The following MDFIC2 variants were observed in gnomAD, a reference collection of about 807,000 sequenced individuals.
MDFIC2 encodes the protein MyoD family inhibitor domain containing 2, also known as myoD family inhibitor domain-containing protein 2.
chr3:70,247,047 AT>A (rs1043540732), intron 2 of MDFIC2, among the ~76,000 whole-genome samples: 16 of 151,188 alleles, frequency 1.1e-4, no homozygotes, highest in East Asian at 9.7e-4. Context: ...AAGGATAGTT[AT>A]TTTTTTTTCT....
chr3:70,282,618 T>C (rs983198868), intron 2 of MDFIC2, among the ~76,000 whole-genome samples: 2 of 152,170 alleles, frequency 1.3e-5, no homozygotes, highest in African/African-American at 4.8e-5. Flanking sequence ...AAATCCTTTC[T>C]TTCTAGATCT....
intron 3 of MDFIC2, among the ~76,000 whole-genome samples, chr3:70,200,685 A>G (rs1701228738): frequency 6.6e-6 from 1 of 152,188 alleles, no homozygotes; most frequent in Non-Finnish European, 1.5e-5. Context: ...ATTAGAATCT[A>G]CGTTGCAAGA....
At chr3:70,291,468 C>A (rs1702239141) in intron 2 of MDFIC2, among the ~76,000 whole-genome samples, 1 of 152,196 alleles carries the variant, frequency 6.6e-6, no homozygotes, top group Non-Finnish European at 1.5e-5. Flanking sequence ...AGAATCTTGT[C>A]TATAGCTCTG....
rs765216095 is a variant in MDFIC2 at position 70,196,470 on chromosome 3, A to G, written c.*456T>C. On this transcript the variant is annotated 3_prime_UTR_variant, in exon 4 of 4. Coordinates refer to ENST00000567252, the MANE Select transcript of MDFIC2 (RefSeq NM_001364677.1). Reference sequence around the variant, plus strand: ...AAATGATGTTATACAATACATTATTAATAATAACCAACAATGCATAATGTT... The same window carrying G: ...AAATGATGTTATACAATACATTATTGATAATAACCAACAATGCATAATGTT... Among the ~76,000 whole-genome samples, 2 of 152,234 alleles carry G rather than the reference A, an allele frequency of 1.3e-5. No individual in the cohort carries two copies. The highest frequency in any genetic ancestry group is 2.9e-5 in the Non-Finnish European group (2 of 68,042).
chr3:70,250,746 C>T (rs1482474957), intron 2 of MDFIC2, among the ~76,000 whole-genome samples: 1 of 152,066 alleles, frequency 6.6e-6, no homozygotes, highest in African/African-American at 2.4e-5. Context: ...AAGCATCTTG[C>T]AATTTGGGAC....
Position 70,195,044 on chromosome 3 carries a change from G to T in MDFIC2, c.*1882C>A, listed in dbSNP as rs984699503. Reference sequence around the variant, plus strand: ...TGAGTACCAGCTGGACTGAGAATTGGGTAGTGCAGGTAGTCAGAAAATTAG... The same window carrying T: ...TGAGTACCAGCTGGACTGAGAATTGTGTAGTGCAGGTAGTCAGAAAATTAG... On this transcript the variant is annotated 3_prime_UTR_variant, in exon 4 of 4. Transcript: ENST00000567252. Among the ~76,000 whole-genome samples the T allele has an allele frequency of 1.3e-5, 2 of 152,126 alleles. No homozygotes were observed.
intron 2 of MDFIC2, among the ~76,000 whole-genome samples, chr3:70,287,884 T>C (rs1575616325): frequency 6.6e-6 from 1 of 152,188 alleles, no homozygotes; most frequent in South Asian, 2.1e-4. Flanking sequence ...AGTTTGTATT[T>C]CTGTGGGATC....
At chr3:70,214,712 T>TA (rs1419832790) in intron 2 of MDFIC2, among the ~76,000 whole-genome samples, 1 of 151,920 alleles carries the variant, frequency 6.6e-6, no homozygotes, top group Non-Finnish European at 1.5e-5. Context: ...TGTACTTTTA[T>TA]AGCTAGATCA....
At chr3:70,224,409 A>G (rs1701485476) in intron 2 of MDFIC2, among the ~76,000 whole-genome samples, 1 of 152,188 alleles carries the variant, frequency 6.6e-6, no homozygotes, top group African/African-American at 2.4e-5. Context: ...CTATTCTAGA[A>G]GCCCTTTGGA....
intron 2 of MDFIC2, among the ~76,000 whole-genome samples, chr3:70,297,678 A>C (rs74954806): frequency 0.013 from 2,013 of 152,194 alleles, 31 homozygotes; most frequent in African/African-American, 0.045. Context: ...GAGGAGTTAA[A>C]ATATTTTCTT....
intron 2 of MDFIC2, among the ~76,000 whole-genome samples, chr3:70,290,591 G>T (rs1157999203): frequency 1.3e-5 from 2 of 152,238 alleles, no homozygotes; most frequent in East Asian, 1.9e-4. Flanking sequence ...GCTCCACCCA[G>T]TTCGAGTTTC....
Position 70,232,190 on chromosome 3 carries a change from C to G in MDFIC2, c.89-25400G>C, listed in dbSNP as rs79411655. Among the ~76,000 whole-genome samples the G allele has an allele frequency of 2.8e-4, 43 of 152,286 alleles. 1 individual carries two copies. The East Asian group carries it at 8.1e-3, about 29-fold the overall frequency. Reference sequence around the variant, plus strand: ...CACACTTGGAAGAATAAATATTGATCTGCTCTGTGAGGGTGTGCACCATGT... The same window carrying G: ...CACACTTGGAAGAATAAATATTGATGTGCTCTGTGAGGGTGTGCACCATGT... On this transcript the variant is annotated intron_variant, in intron 2 of 3. Coordinates refer to ENST00000567252, the MANE Select transcript of MDFIC2 (RefSeq NM_001364677.1).
intron 2 of MDFIC2, among the ~76,000 whole-genome samples, chr3:70,299,172 T>G (rs535040204): frequency 1.3e-5 from 2 of 152,268 alleles, no homozygotes; most frequent in African/African-American, 4.8e-5. Context: ...TTTTGTTACT[T>G]CATAGAATAC....
chr3:70,213,002 T>C (rs769219861), intron 2 of MDFIC2, among the ~76,000 whole-genome samples: 1 of 152,192 alleles, frequency 6.6e-6, no homozygotes, highest in Non-Finnish European at 1.5e-5. Context: ...AGAGACTCGG[T>C]TTCACCATGC....
At chr3:70,285,522 G>T (rs1702151957) in intron 2 of MDFIC2, among the ~76,000 whole-genome samples, 1 of 151,932 alleles carries the variant, frequency 6.6e-6, no homozygotes, top group Non-Finnish European at 1.5e-5. Flanking sequence ...AAAAATACGT[G>T]TGCATGTGTC....
At chr3:70,275,905 G>T (rs1181601051) in intron 2 of MDFIC2, among the ~76,000 whole-genome samples, 1 of 151,982 alleles carries the variant, frequency 6.6e-6, no homozygotes, top group Admixed American at 6.6e-5. Flanking sequence ...AAATCAGATT[G>T]CTCATTGTCG....
rs371407498 is a variant in MDFIC2, at chr3:70,195,099, A to G, written c.*1827T>C. 2.6e-5 allele frequency among the ~76,000 whole-genome samples: 4 copies of G among 152,348 alleles called. No homozygotes were observed. Among genetic ancestry groups the G allele is most frequent in the African/African-American group, 9.6e-5 (4 of 41,584 alleles). Reference sequence around the variant, plus strand: ...CAAGTTAGAGTTCCTGACACTGCCAATAATTCACTGTGTGGTCTTGAATAA... The same window carrying G: ...CAAGTTAGAGTTCCTGACACTGCCAGTAATTCACTGTGTGGTCTTGAATAA... On this transcript the variant is annotated 3_prime_UTR_variant, in exon 4 of 4. Coordinates refer to ENST00000567252, the MANE Select transcript of MDFIC2 (RefSeq NM_001364677.1).
intron 2 of MDFIC2, among the ~76,000 whole-genome samples, chr3:70,293,764 T>C (rs1396575106): frequency 1.3e-5 from 2 of 152,042 alleles, no homozygotes; most frequent in African/African-American, 4.8e-5. Context: ...AGGAAAAATA[T>C]AACAATGAGT....
intron 2 of MDFIC2, among the ~76,000 whole-genome samples, chr3:70,214,551 C>T (rs2106731839): frequency 6.6e-6 from 1 of 151,126 alleles, no homozygotes; most frequent in Non-Finnish European, 1.5e-5. Context: ...ATGGCCCCCT[C>T]CCCAAGCTTC....
Sources: gnomAD v4.1 joint callset for allele counts (sites outside exome capture counted in the v4.1 genomes callset) on GRCh38, gnomAD v4.1.1 for gene constraint, MANE v1.5 for transcripts, NCBI Gene and HGNC (gene_info 2026-07-23, HGNC 2026-07-21) for gene names.